Variants in NECTIN1 observed in about 807,000 individuals in gnomAD.
NECTIN1 encodes nectin cell adhesion molecule 1.
NECTIN1 carries 23 observed loss-of-function variants against 48.0 expected under a neutral mutation model. The observed-to-expected ratio is 0.48, with a 90% CI of 0.34 to 0.68. The LOEUF (loss-of-function observed/expected upper bound fraction) is 0.68. Among genes scored for constraint, NECTIN1 ranks in the 30% least tolerant of loss-of-function variants. NECTIN1 has a pLI of 0.01. For synonymous variants in NECTIN1, 270 were observed against 288.9 expected (o/e 0.93, Z 0.66); for missense variants, 591 against 709.9 (o/e 0.83, Z 1.90).
intron 5 of NECTIN1, among the ~76,000 whole-genome samples, chr11:119,648,367 A>ATGG (rs1565376764): frequency 3.2e-5 from 1 of 31,558 alleles, no homozygotes. Context: ...GATGCTGGTG[A>ATGG]TGGTGGTGAT....
chr11:119,666,793 C>A (rs528401741), intron 5 of NECTIN1, among the ~76,000 whole-genome samples: 1 of 152,240 alleles, frequency 6.6e-6, no homozygotes, highest in Non-Finnish European at 1.5e-5. Context: ...ACTCCCTCCT[C>A]CTGGGGCGTG....
chr11:119,721,520 C>A (rs900895776), intron 1 of NECTIN1, among the ~76,000 whole-genome samples: 1 of 152,234 alleles, frequency 6.6e-6, no homozygotes, highest in Non-Finnish European at 1.5e-5. Context: ...TAATGAGATC[C>A]AGGCCAGAGT....
Position 119,661,100 on chromosome 11 carries a change from C to A in NECTIN1, c.*3647G>T, listed in dbSNP as rs967644002. On this transcript the variant is annotated 3_prime_UTR_variant, in exon 6 of 6. Coordinates refer to ENST00000264025, the MANE Select transcript of NECTIN1 (RefSeq NM_002855.5). ...TAAAAGGGGGTGATGCAAACACCCC[C>A]CAGGTCAGAACCAGGAGGATCTGCT... 1.5e-5 allele frequency: 15 copies of A among 985,214 alleles called. No homozygotes were observed. The highest frequency in any genetic ancestry group is 1.6e-5 in the Non-Finnish European group (13 of 829,498). 61.0% of individuals were successfully genotyped at this position (985,214 alleles called of 1,614,324 possible). A position where few individuals can be genotyped will look rare whatever the true frequency, so the allele number is the denominator to read the frequency against.
intron 1 of NECTIN1, among the ~76,000 whole-genome samples, chr11:119,700,891 G>C (rs1865439679): frequency 6.6e-6 from 1 of 152,184 alleles, no homozygotes; most frequent in African/African-American, 2.4e-5. Context: ...CCAAGTCAAA[G>C]AGCAGCCCAC....
intron 1 of NECTIN1, among the ~76,000 whole-genome samples, chr11:119,722,041 C>T (rs2134346144): frequency 6.6e-6 from 1 of 152,342 alleles, no homozygotes; most frequent in South Asian, 2.1e-4. Flanking sequence ...TCCTACTGGC[C>T]TGGTTCATCC....
intron 5 of NECTIN1, among the ~76,000 whole-genome samples, chr11:119,647,161 A>ATGTGTGTGTGTG (rs58590467): frequency 0.012 from 986 of 84,726 alleles, 80 homozygotes; most frequent in Middle Eastern, 0.014. Flanking sequence ...CTTGCGGCGC[A>ATGTGTGTGTGTG]TGTGTGTGTG....
At chr11:119,704,922 G>C (rs1565398709) in intron 1 of NECTIN1, among the ~76,000 whole-genome samples, 1 of 152,196 alleles carries the variant, frequency 6.6e-6, no homozygotes, top group African/African-American at 2.4e-5. Context: ...ACTTACATGT[G>C]GTGTTATTTT....
At chr11:119,644,307 T>C (rs1864365200) in intron 5 of NECTIN1, among the ~76,000 whole-genome samples, 1 of 152,164 alleles carries the variant, frequency 6.6e-6, no homozygotes, top group Non-Finnish European at 1.5e-5. Flanking sequence ...CAGGAACAGC[T>C]CTACTGGATT....
In NECTIN1 at chr11:119,677,613, G is replaced by C. The variant is rs1300521295; in HGVS notation, c.675C>G (p.Ala225=). The change falls in exon 3 of 6, where the codon GCC becomes GCG. Residue 225 remains alanine, a synonymous_variant. Transcript: ENST00000264025. This position sits in a 1 kb window ranked among gnomAD's most constrained non-coding sequence, Gnocchi z 5.4. ...GGTCCATGTGGTAGTTGACGATGCA[G>C]GCCAAGGACTGCTGGTGGGCTTCCC... is the stretch of plus-strand genomic sequence containing the variant. ...PSREAHQQSL[A]CIVNYHMDRF... 6.2e-7 allele frequency: 1 copy of C among 1,613,576 alleles called. No individual in the cohort carries two copies. The highest frequency in any genetic ancestry group is 8.5e-7 in the Non-Finnish European group (1 of 1,180,036).
chr11:119,648,283 G>C lies in NECTIN1; in HGVS notation c.1004-8271C>G, dbSNP rs1194341728. Among the ~76,000 whole-genome samples, 66 of 11,254 alleles carry C rather than the reference G, an allele frequency of 5.9e-3. 4 individuals carry two copies. In the East Asian group the frequency reaches 0.085, roughly 15 times the overall value. The allele number at this position is 11,254 out of a possible 152,430, so 7.4% of individuals were successfully genotyped here. On this transcript the variant is annotated intron_variant, in intron 5 of 7. Coordinates refer to the NECTIN1 transcript ENST00000341398. ...GGTAATAGTGGTGGTGGTGATGGTGGTGGTGATGGTGGTGGTGGTGGTGAT... is the reference window on the plus strand; with the variant it reads ...GGTAATAGTGGTGGTGGTGATGGTGCTGGTGATGGTGGTGGTGGTGGTGAT...
chr11:119,658,076 A>C (rs1300988673), downstream of NECTIN1, among the ~76,000 whole-genome samples: 2 of 151,948 alleles, frequency 1.3e-5, no homozygotes, highest in East Asian at 3.9e-4. Flanking sequence ...GGGGCCTGTG[A>C]TGTATGTTGA....
chr11:119,662,498 G>C lies in NECTIN1; in HGVS notation c.*2249C>G, dbSNP rs1367080241. The stretch of plus-strand genomic sequence containing the variant: ...TGGAGGTGTCTTAAGGGGGAACTCA[G>C]TGCTTTGGCTGGGCTTGGGGCCTTC... On this transcript the variant is annotated 3_prime_UTR_variant, in exon 6 of 6. Coordinates refer to ENST00000264025, the MANE Select transcript of NECTIN1 (RefSeq NM_002855.5). This position sits in a 1 kb window ranked among gnomAD's most constrained non-coding sequence, Gnocchi z 5.3. 2.6e-5 allele frequency: 26 copies of C among 985,800 alleles called. No homozygotes were observed. Among genetic ancestry groups the C allele is most frequent in the Non-Finnish European group, 3.1e-5 (26 of 830,044 alleles). 61.1% of individuals were successfully genotyped at this position (985,800 alleles called of 1,614,324 possible).
chr11:119,713,997 C>A (rs996200521), intron 1 of NECTIN1: 19 of 385,644 alleles, frequency 4.9e-5, no homozygotes, highest in Admixed American at 3.0e-4. Flanking sequence ...CTGAGTGGCC[C>A]CCCCCTTGGT....
chr11:119,702,776 C>T (rs1865479760), intron 1 of NECTIN1, among the ~76,000 whole-genome samples: 1 of 152,212 alleles, frequency 6.6e-6, no homozygotes, highest in Admixed American at 6.5e-5. Context: ...GAGAGCTGAC[C>T]CTGGCATATG....
chr11:119,678,399 G>A lies in NECTIN1; in HGVS notation c.430+16C>T, dbSNP rs1864998679. The A allele has an allele frequency of 2.5e-6, 4 of 1,609,514 alleles. No individual in the cohort carries two copies. ...AGGCCTCTGGATGAACAGGGAGGGG[G>A]CCCAGGGCAGCTTACCCATCACCGT... On this transcript the variant is annotated intron_variant, in intron 2 of 5. Coordinates refer to ENST00000264025, the MANE Select transcript of NECTIN1 (RefSeq NM_002855.5). This position sits in a 1 kb window ranked among gnomAD's most constrained non-coding sequence, Gnocchi z 4.4.
chr11:119,714,194 G>T (rs1865709409), intron 1 of NECTIN1, among the ~76,000 whole-genome samples: 1 of 152,154 alleles, frequency 6.6e-6, no homozygotes, highest in African/African-American at 2.4e-5. Flanking sequence ...CCTGCCTGGG[G>T]GTTGTGTTAG....
intron 1 of NECTIN1, among the ~76,000 whole-genome samples, chr11:119,680,644 C>A (rs1216791765): frequency 6.6e-6 from 1 of 152,234 alleles, no homozygotes; most frequent in African/African-American, 2.4e-5. Context: ...AAAGTAGCTA[C>A]TCAAGAAATG....
chr11:119,687,036 G>A lies in NECTIN1; in HGVS notation c.80-8271C>T, dbSNP rs148021375. The stretch of plus-strand genomic sequence containing the variant: ...CCTGGAAACTGCATATTATCCAAAA[G>A]GCAGAAATGGAAAGTGAGGCCTCAC... On this transcript the variant is annotated intron_variant, in intron 1 of 5. Coordinates refer to ENST00000264025, the MANE Select transcript of NECTIN1 (RefSeq NM_002855.5). Among the ~76,000 whole-genome samples, 227 of 152,196 alleles carry A rather than the reference G, an allele frequency of 1.5e-3. 1 individual carries two copies. Among genetic ancestry groups the A allele is most frequent in the Middle Eastern group, 6.8e-3 (2 of 294 alleles).
intron 1 of NECTIN1, among the ~76,000 whole-genome samples, chr11:119,718,381 G>A (rs1290335058): frequency 6.6e-6 from 1 of 152,226 alleles, no homozygotes; most frequent in African/African-American, 2.4e-5. Flanking sequence ...GGCAGAGGAA[G>A]CACCAGCCCT....
Sources: allele counts gnomAD v4.1 joint callset (sites outside exome capture counted in the v4.1 genomes callset), GRCh38; gene constraint gnomAD v4.1.1; non-coding constraint Gnocchi (gnomAD v3.1); transcripts MANE v1.5; gene names NCBI Gene and HGNC (gene_info 2026-07-23, HGNC 2026-07-21).